Variants in SIVA1 observed in about 807,000 individuals in gnomAD.
SIVA1 encodes the protein SIVA1 apoptosis inducing factor.
A neutral mutation model predicts 19.7 loss-of-function variants in SIVA1; 10 were observed. That is an observed-to-expected ratio of 0.51 (90% CI 0.31 to 0.86). The LOEUF (loss-of-function observed/expected upper bound fraction) is 0.86. SIVA1 is among the 40% of genes least tolerant of loss of function. SIVA1 has a pLI of 0.04. For synonymous variants in SIVA1, 130 were observed against 106.1 expected (o/e 1.23, Z -1.39); for missense variants, 241 against 245.2 (o/e 0.98, Z 0.11).
chr14:104,756,129 C>T (rs1393825945), intron 2 of SIVA1: 3 of 527,140 alleles, frequency 5.7e-6, no homozygotes, highest in African/African-American at 3.9e-5. Flanking sequence ...CAGTCCCATC[C>T]CTATGCAGTG....
Position 104,759,644 on chromosome 14 carries a change from T to C in SIVA1, c.*159T>C. Reference sequence around the variant, plus strand: ...CTAATGACAGAATGAATAAACCTCTTTATATTTGCACAAGAGGACTCTTGT... The same window carrying C: ...CTAATGACAGAATGAATAAACCTCTCTATATTTGCACAAGAGGACTCTTGT... On this transcript the variant is annotated 3_prime_UTR_variant, in exon 4 of 4. Coordinates refer to ENST00000329967, the MANE Select transcript of SIVA1 (RefSeq NM_006427.4). The surrounding 1 kb of genome is among the most constrained non-coding windows in gnomAD (Gnocchi z 4.2). 1 of 561,032 alleles carries C rather than the reference T, an allele frequency of 1.8e-6. No individual in the cohort carries two copies. The highest frequency in any genetic ancestry group is 3.2e-5 in the Admixed American group (1 of 31,092). The allele number at this position is 561,032 out of a possible 1,614,324, so 34.8% of individuals were successfully genotyped here. A position where few individuals can be genotyped will look rare whatever the true frequency, so the allele number is the denominator to read the frequency against.
intron 1 of SIVA1, among the ~76,000 whole-genome samples, chr14:104,755,149 C>T (rs1274441043): frequency 3.3e-5 from 5 of 152,194 alleles, no homozygotes; most frequent in African/African-American, 1.2e-4. Context: ...GCTGTAGGCC[C>T]AGCTCCAAGC....
Position 104,753,174 on chromosome 14 carries a change from G to A in SIVA1, c.-28G>A. On this transcript the variant is annotated 5_prime_UTR_variant, in exon 1 of 4. Transcript: ENST00000329967. Reference sequence around the variant, plus strand: ...CGTTGGTAAGGGGCTGGCGGCCGGGGAGCTGCGTAGCTCCCGGCCCCGCGG... The same window carrying A: ...CGTTGGTAAGGGGCTGGCGGCCGGGAAGCTGCGTAGCTCCCGGCCCCGCGG... 6 of 1,434,714 alleles carry A rather than the reference G, an allele frequency of 4.2e-6. No individual in the cohort carries two copies. Among genetic ancestry groups the A allele is most frequent in the Admixed American group, 3.8e-5 (2 of 52,540 alleles). The allele number at this position is 1,434,714 out of a possible 1,614,324, so 88.9% of individuals were successfully genotyped here.
chr14:104,753,290 G>T lies in SIVA1; in HGVS notation c.89G>T (p.Cys30Phe), dbSNP rs775913740. 8 of 1,601,004 alleles carry T rather than the reference G, an allele frequency of 5.0e-6. No individual in the cohort carries two copies. The highest frequency in any genetic ancestry group is 6.8e-6 in the Non-Finnish European group (8 of 1,175,714). Residue 30 changes from cysteine (C) to phenylalanine (F), a missense_variant, in exon 1 of 4, where the codon TGC (cysteine) becomes TTC (phenylalanine). Transcript: ENST00000329967. Reference protein sequence around the residue: ...VSQRELSRGVCAERYSQEVFE... With the variant: ...VSQRELSRGVFAERYSQEVFE... ...CAGAGGGAGTTGAGCCGCGGCGTGTGCGCCGAGCGCTACTCGCAGGAGGTC... is the reference window on the plus strand; with the variant it reads ...CAGAGGGAGTTGAGCCGCGGCGTGTTCGCCGAGCGCTACTCGCAGGAGGTC...
chr14:104,755,674 G>C lies in SIVA1; in HGVS notation c.163G>C (p.Asp55His), dbSNP rs1435374858. Reference sequence around the variant, plus strand: ...GTTCCTCGGGGCCCAGGCCTACCTGGACCACGTGTGGGATGAAGGCTGTGC... The same window carrying C: ...GTTCCTCGGGGCCCAGGCCTACCTGCACCACGTGTGGGATGAAGGCTGTGC... ...LLFLGAQAYL[D>H]HVWDEGCAVV... The change falls in exon 2 of 4, where the codon GAC (aspartate) becomes CAC (histidine). Residue 55 changes from aspartate (D) to histidine (H), a missense_variant. By Grantham distance (81) the Asp-to-His change is moderately conservative. Coordinates refer to ENST00000329967, the MANE Select transcript of SIVA1 (RefSeq NM_006427.4). 1 of 1,613,920 alleles carries C rather than the reference G, an allele frequency of 6.2e-7. No homozygotes were observed. The highest frequency in any genetic ancestry group is 1.1e-5 in the South Asian group (1 of 91,058).
At chr14:104,755,595 A>G (rs752555743) in intron 1 of SIVA1, 35 bp from the exon 2 acceptor site, 4 of 1,585,076 alleles carry the variant, frequency 2.5e-6, no homozygotes, top group East Asian at 4.5e-5. Flanking sequence ...GTTGGTACAC[A>G]GTGAAGGACG....
intron 3 of SIVA1, chr14:104,757,956 T>C (rs949960741): frequency 2.6e-5 from 4 of 152,302 alleles, no homozygotes; most frequent in African/African-American, 7.2e-5. Flanking sequence ...CTGTCCCCAC[T>C]GTGGACACAC....
In SIVA1 at chr14:104,755,645, T is replaced by G; in HGVS notation, c.134T>G (p.Leu45Arg). Reference sequence around the variant, plus strand: ...CTTCCCCCAGAGAAGACCAAGCGACTCCTGTTCCTCGGGGCCCAGGCCTAC... The same window carrying G: ...CTTCCCCCAGAGAAGACCAAGCGACGCCTGTTCCTCGGGGCCCAGGCCTAC... ...SQEVFEKTKR[L>R]LFLGAQAYLD... The change falls in exon 2 of 4, where the codon CTC becomes CGC. Residue 45 changes from leucine to arginine, a missense_variant. Leu to Arg is a moderately radical substitution (Grantham distance 102, BLOSUM62 -2). Transcript: ENST00000329967. The G allele has an allele frequency of 6.2e-7, 1 of 1,612,728 alleles. No homozygotes were observed.
At position 104,755,725 on chromosome 14, in the gene SIVA1, A is replaced by G. The variant is rs746576820; in HGVS notation, c.214A>G (p.Lys72Glu). Residue 72 changes from lysine (K) to glutamate (E), a missense_variant, in exon 2 of 4, where the codon AAG becomes GAG. By Grantham distance (56) the Lys-to-Glu change is moderately conservative (BLOSUM62 1). Coordinates refer to ENST00000329967, the MANE Select transcript of SIVA1 (RefSeq NM_006427.4). ...CAVVHLPESP[K>E]PGPTGAPRAA... The stretch of plus-strand genomic sequence containing the variant: ...CGTCGTTCACCTGCCAGAGTCCCCA[A>G]AGCCTGGCCCTACAGGGGCCCCGAG... 5.9e-5 allele frequency: 96 copies of G among 1,614,074 alleles called. No individual in the cohort carries two copies. Among genetic ancestry groups the G allele is most frequent in the Non-Finnish European group, 7.6e-5 (90 of 1,179,970 alleles).
intron 1 of SIVA1, among the ~76,000 whole-genome samples, chr14:104,754,965 G>T (rs541889383): frequency 6.6e-6 from 1 of 152,236 alleles, no homozygotes; most frequent in South Asian, 2.1e-4. Context: ...TTCTGGGTCT[G>T]GCCCTGGGCA....
chr14:104,756,017 C>T (rs1306361842), intron 2 of SIVA1, 193 bp downstream of exon 2: 6 of 699,634 alleles, frequency 8.6e-6, no homozygotes, highest in African/African-American at 1.8e-5. Context: ...TGTTAAACAG[C>T]TTCTAAGTAC....
At chr14:104,756,815 A>G in intron 3 of SIVA1, 55 bp downstream of exon 3, 1 of 1,549,520 alleles carries the variant, frequency 6.5e-7, no homozygotes, top group East Asian at 2.3e-5. Context: ...GCAAGCCGTG[A>G]TGGGGGACGG....
Position 104,756,240 on chromosome 14 carries a change from T to G in SIVA1, c.314-364T>G, listed in dbSNP as rs1297522318. ...TCTAGGAGGAGCCCAGGCACCTCTT[T>G]GTTAACCAGTAAGGCAGTGGGCCAC... On this transcript the variant is annotated intron_variant, in intron 2 of 3. Transcript: ENST00000329967. The G allele has an allele frequency of 1.1e-5, 5 of 441,186 alleles. No homozygotes were observed. In the East Asian group the frequency reaches 2.4e-4, roughly 21 times the overall value. 27.3% of individuals were successfully genotyped at this position (441,186 alleles called of 1,614,324 possible).
chr14:104,754,953 A>G (rs1160117519), intron 1 of SIVA1, among the ~76,000 whole-genome samples: 2 of 152,080 alleles, frequency 1.3e-5, no homozygotes, highest in Non-Finnish European at 2.9e-5. Flanking sequence ...AAAACAAAGC[A>G]TTTCTGGGTC....
At chr14:104,753,751 G>A in intron 1 of SIVA1, 1 of 453,700 alleles carries the variant, frequency 2.2e-6, no homozygotes, top group Non-Finnish European at 4.4e-6. Flanking sequence ...CATGGAGCGC[G>A]CGGCCCTGCC....
chr14:104,756,044 CAG>C (rs1199469437), intron 2 of SIVA1: 1 of 670,224 alleles, frequency 1.5e-6, no homozygotes, highest in South Asian at 1.6e-5. Flanking sequence ...AAAAAAGCAG[CAG>C]AGACTCCCCG....
intron 3 of SIVA1, chr14:104,757,332 T>TG (rs1891927950): frequency 2.4e-6 from 1 of 415,038 alleles, no homozygotes; most frequent in African/African-American, 2.1e-5. Flanking sequence ...CCCTGCCCCG[T>TG]GAGAAAGATG....
At position 104,756,672 on chromosome 14, in the gene SIVA1, G is replaced by A. The variant is rs766681672; in HGVS notation, c.382G>A (p.Gly128Ser). The change falls in exon 3 of 4, where the codon GGT (glycine) becomes AGT (serine). Residue 128 changes from glycine to serine, a missense_variant. Gly to Ser is a moderately conservative substitution (Grantham distance 56, BLOSUM62 0). Coordinates refer to ENST00000329967, the MANE Select transcript of SIVA1 (RefSeq NM_006427.4). ...AGCCGTGGATGGGAAGGCGGTCTGCGGTCAGTGTGAGCGAGCCCTGTGCGG... is the reference window on the plus strand; with the variant it reads ...AGCCGTGGATGGGAAGGCGGTCTGCAGTCAGTGTGAGCGAGCCCTGTGCGG... The part of the protein sequence containing the change: ...VRAVDGKAVC[G>S]QCERALCGQC... 7 of 1,614,088 alleles carry A rather than the reference G, an allele frequency of 4.3e-6. No homozygotes were observed. Among genetic ancestry groups the A allele is most frequent in the Non-Finnish European group, 5.9e-6 (7 of 1,180,046 alleles).
Position 104,753,748 on chromosome 14 carries a change from C to G in SIVA1, c.118+429C>G, listed in dbSNP as rs561484513. 2.0e-5 allele frequency: 9 copies of G among 452,670 alleles called. No individual in the cohort carries two copies. The Admixed American group carries it at 2.1e-4, about 11-fold the overall frequency. 28.0% of individuals were successfully genotyped at this position (452,670 alleles called of 1,614,324 possible). ...CCTGTCCCAAGAGGTATTCATGGAG[C>G]GCGCGGCCCTGCCAGGCACGGCGGC... is the stretch of plus-strand genomic sequence containing the variant. On this transcript the variant is annotated intron_variant, in intron 1 of 3. Coordinates refer to ENST00000329967, the MANE Select transcript of SIVA1 (RefSeq NM_006427.4).
Sources: allele counts gnomAD v4.1 joint callset (sites outside exome capture counted in the v4.1 genomes callset), GRCh38; gene constraint gnomAD v4.1.1; non-coding constraint Gnocchi (gnomAD v3.1); transcripts MANE v1.5; gene names NCBI Gene and HGNC (gene_info 2026-07-23, HGNC 2026-07-21).